EPB41L2: variants seen among roughly 807,000 people sequenced by gnomAD.
The protein encoded by EPB41L2 is band 4.1-like protein 2.
In EPB41L2, 43 loss-of-function variants were observed where a neutral mutation model predicts 113.0. The observed-to-expected ratio is 0.38, with a 90% confidence interval of 0.30 to 0.49. The LOEUF (loss-of-function observed/expected upper bound fraction) is 0.49. Among genes scored for constraint, EPB41L2 ranks in the 20% least tolerant of loss-of-function variants. The probability of loss-of-function intolerance (pLI) is 0.95; values close to 1 mark genes in which losing one functional copy is unlikely to be tolerated. For missense variants in EPB41L2, 1,147 were observed against 1,223.4 expected (o/e 0.94, Z 0.93); for synonymous variants, 442 against 436.7 (o/e 1.01, Z -0.15).
intron 1 of EPB41L2, among the ~76,000 whole-genome samples, chr6:131,054,751 T>G (rs1797287913): frequency 6.6e-6 from 1 of 152,232 alleles, no homozygotes; most frequent in South Asian, 2.1e-4. Context: ...AGGAACTGTT[T>G]TAAAGGAAGG....
chr6:131,062,421 G>GA (rs1171231399), intron 1 of EPB41L2: 1 of 152,060 alleles, frequency 6.6e-6, no homozygotes, highest in African/African-American at 2.4e-5. Flanking sequence ...CGCAGGAGGA[G>GA]AAAAAACAAG....
intron 1 of EPB41L2, among the ~76,000 whole-genome samples, chr6:131,061,869 GA>G (rs1221244843): frequency 6.6e-6 from 1 of 152,116 alleles, no homozygotes; most frequent in Non-Finnish European, 1.5e-5. Context: ...GGAAAACCGC[GA>G]AAGTCGTTTT....
intron 13 of EPB41L2, 78 bp from the exon 14 acceptor site, chr6:130,878,328 A>G: frequency 6.8e-7 from 1 of 1,473,704 alleles, no homozygotes. Flanking sequence ...AAACCAAAAA[A>G]TAAGACAAAG....
chr6:130,903,398 T>TAAA (rs35123540), intron 6 of EPB41L2, among the ~76,000 whole-genome samples: 82 of 142,210 alleles, frequency 5.8e-4, no homozygotes, highest in African/African-American at 1.6e-3. Context: ...ACAAGTAGTT[T>TAAA]AAAAAAAAAA....
At chr6:131,017,220 T>A (rs1318096154) in intron 1 of EPB41L2, among the ~76,000 whole-genome samples, 1 of 152,214 alleles carries the variant, frequency 6.6e-6, no homozygotes, top group African/African-American at 2.4e-5. Context: ...TGCAAAGTGT[T>A]TTACATTTTA....
intron 1 of EPB41L2, among the ~76,000 whole-genome samples, chr6:130,989,668 G>A (rs1412400071): frequency 2.0e-5 from 3 of 152,188 alleles, no homozygotes; most frequent in Non-Finnish European, 4.4e-5. Context: ...AAACTTAAAT[G>A]GTTTGTCAAT....
intron 1 of EPB41L2, among the ~76,000 whole-genome samples, chr6:131,030,856 G>T (rs550248290): frequency 2.6e-5 from 4 of 151,650 alleles, no homozygotes; most frequent in African/African-American, 7.3e-5. Flanking sequence ...CAGGCAGATC[G>T]CTTGAGCTCA....
intron 10 of EPB41L2, among the ~76,000 whole-genome samples, chr6:130,892,950 G>T (rs753000429): frequency 6.6e-6 from 1 of 152,124 alleles, no homozygotes; most frequent in Non-Finnish European, 1.5e-5. Flanking sequence ...TAGACCATAA[G>T]TCCAGAGCAA....
intron 1 of EPB41L2, among the ~76,000 whole-genome samples, chr6:131,054,588 T>C (rs1480474265): frequency 6.6e-6 from 1 of 152,256 alleles, no homozygotes; most frequent in Non-Finnish European, 1.5e-5. Context: ...GGTCTCTGTT[T>C]GTCACTGATA....
chr6:130,972,323 C>CAA (rs56878009), intron 1 of EPB41L2, among the ~76,000 whole-genome samples: 145 of 76,520 alleles, frequency 1.9e-3, no homozygotes, highest in Middle Eastern at 9.3e-3. Flanking sequence ...GACTCCATCT[C>CAA]AAAAAAAAAA....
chr6:130,966,257 G>A (rs1775147746), intron 1 of EPB41L2, among the ~76,000 whole-genome samples: 1 of 152,056 alleles, frequency 6.6e-6, no homozygotes, highest in Non-Finnish European at 1.5e-5. Context: ...ATCAACAGGG[G>A]GTCTTATACC....
chr6:130,981,470 C>T (rs1043790572), intron 1 of EPB41L2, among the ~76,000 whole-genome samples: 1 of 152,082 alleles, frequency 6.6e-6, no homozygotes, highest in Admixed American at 6.6e-5. Context: ...TAATGAAGAC[C>T]ACCATCACCA....
intron 4 of EPB41L2, among the ~76,000 whole-genome samples, chr6:130,912,939 G>T (rs1253374723): frequency 1.3e-5 from 2 of 152,122 alleles, no homozygotes; most frequent in African/African-American, 4.8e-5. Flanking sequence ...TTAAGAGAAA[G>T]TGCTGGTCTT....
At chr6:130,858,272 T>C (rs371674517) in intron 18 of EPB41L2, 29 bp from the exon 19 acceptor site, 301 of 1,579,228 alleles carry the variant, frequency 1.9e-4, no homozygotes, top group Middle Eastern at 1.7e-4. Context: ...AGAACGGCTG[T>C]GAGCTGGGGA....
chr6:130,869,841 C>T lies in EPB41L2; in HGVS notation c.2329G>A (p.Val777Met). 3.1e-6 allele frequency: 5 copies of T among 1,613,834 alleles called. No individual in the cohort carries two copies. Among genetic ancestry groups the T allele is most frequent in the Non-Finnish European group, 3.4e-6 (4 of 1,179,998 alleles). Residue 777 changes from valine (V) to methionine (M), a missense_variant, in exon 15 of 20, where the codon GTG becomes ATG. Transcript: ENST00000337057. ...IREEQEYEEE[V>M]EEEPRPAAKV... ...GCTGCCGGGCGGGGTTCTTCCTCCA[C>T]CTCTTCTTCATACTCCTGTTCCTCC...
In EPB41L2 at chr6:130,956,250, G is replaced by A. The variant is rs144686133; in HGVS notation, c.236C>T (p.Pro79Leu). ...SESRGISRFI[P>L]PWLKKQKSYT... ...TGACTTTTGCTTCTTAAGCCATGGC[G>A]GTATGAACCGAGAAATACCCCTGCT... The change falls in exon 2 of 20, where the codon CCG becomes CTG. Residue 79 changes from proline (P) to leucine (L), a missense_variant. Pro to Leu is a moderately conservative substitution (Grantham distance 98). Transcript: ENST00000337057. 2.7e-3 allele frequency: 4,386 copies of A among 1,613,988 alleles called. 16 individuals carry two copies. Among genetic ancestry groups the A allele is most frequent in the Non-Finnish European group, 2.9e-3 (3,424 of 1,179,988 alleles).
chr6:131,061,804 A>G (rs989863734), intron 1 of EPB41L2, among the ~76,000 whole-genome samples: 7 of 152,094 alleles, frequency 4.6e-5, no homozygotes, highest in African/African-American at 1.7e-4. Flanking sequence ...TATTCCGTTG[A>G]AAAAAACAAT....
Position 130,908,812 on chromosome 6 carries a change from T to C in EPB41L2, c.853+9A>G, listed in dbSNP as rs1345435264. The C allele has an allele frequency of 1.3e-6, 2 of 1,590,478 alleles. No individual in the cohort carries two copies. The highest frequency in any genetic ancestry group is 2.2e-5 in the East Asian group (1 of 44,636). ...CTTAACTTCAAAGAATGATTATTTA[T>C]ATACTTACTTCTCAGTTGTCTCTTT... On this transcript the variant is annotated intron_variant, in intron 5 of 19. Coordinates refer to ENST00000337057, the MANE Select transcript of EPB41L2 (RefSeq NM_001431.4).
Position 130,987,695 on chromosome 6 carries a change from A to AAATGAATG in EPB41L2, c.-14-31204_-14-31197dup, listed in dbSNP as rs3031721. On this transcript the variant is annotated intron_variant, in intron 1 of 19. Transcript: ENST00000337057. Reference sequence around the variant, plus strand: ...GCAACAGAGCAAGACTCTGTCTCATAAATGAATGAATGAATGAATGAATGA... The same window carrying AAATGAATG: ...GCAACAGAGCAAGACTCTGTCTCATAAATGAATGAATGAATGAATGAATGAATGAATGA... 1.3e-3 allele frequency among the ~76,000 whole-genome samples: 187 copies of AAATGAATG among 148,324 alleles called. 2 individuals are homozygous for AAATGAATG. The highest frequency in any genetic ancestry group is 3.5e-3 in the Middle Eastern group (1 of 286).
Sources: gnomAD v4.1 joint callset for allele counts (sites outside exome capture counted in the v4.1 genomes callset) on GRCh38, gnomAD v4.1.1 for gene constraint, MANE v1.5 for transcripts, NCBI Gene and HGNC (gene_info 2026-07-23, HGNC 2026-07-21) for gene names.